Variants in CADPS observed in about 807,000 individuals in gnomAD.
CADPS encodes calcium-dependent secretion activator 1.
A neutral mutation model predicts 167.3 loss-of-function variants in CADPS; 57 were observed. The ratio of observed to expected loss-of-function variants is 0.34; its 90% CI spans 0.28 to 0.42. The LOEUF is 0.42. CADPS is among the 20% of genes least tolerant of loss of function. The pLI is 1.00. For synonymous variants in CADPS, 676 were observed against 635.3 expected (o/e 1.06, Z -0.96); for missense variants, 1,414 against 1,738.1 (o/e 0.81, Z 3.32).
intron 3 of CADPS, among the ~76,000 whole-genome samples, chr3:62,746,134 T>TTAAAC (rs2081394422): frequency 6.6e-6 from 1 of 152,272 alleles, no homozygotes; most frequent in South Asian, 2.1e-4. Flanking sequence ...CCACAGTGAG[T>TTAAAC]TATGCCCTAC....
At chr3:62,549,681 A>G (rs1205973165) in intron 11 of CADPS, among the ~76,000 whole-genome samples, 1 of 152,112 alleles carries the variant, frequency 6.6e-6, no homozygotes, top group Non-Finnish European at 1.5e-5. Context: ...CCTAAAATAC[A>G]CTTTCCTTCA....
chr3:62,549,927 G>A lies in CADPS; in HGVS notation c.1942C>T (p.Leu648=), dbSNP rs144579913. The A allele has an allele frequency of 4.8e-5, 78 of 1,613,898 alleles. No homozygotes were observed. The highest frequency in any genetic ancestry group is 6.4e-5 in the Non-Finnish European group (75 of 1,179,906). ...CAAAATTGAGAGATAGGGGCATCCA[G>A]CTGAGGTACATTTCCTCCCTTGGCG... ...LNAKGGNVPQ[L]DAPISQFYAD... is the part of the protein sequence containing the mutation. Residue 648 remains leucine (L), a synonymous_variant, in exon 11 of 30, where the codon CTG becomes TTG. Coordinates refer to ENST00000383710, the MANE Select transcript of CADPS (RefSeq NM_003716.4).
At position 62,623,147 on chromosome 3, in the gene CADPS, A is replaced by G. The variant is rs116527616; in HGVS notation, c.1325+22575T>C. On this transcript the variant is annotated intron_variant, in intron 6 of 29. Coordinates refer to ENST00000383710, the MANE Select transcript of CADPS (RefSeq NM_003716.4). ...GGTAAGTGTATCTCAAGAAAATTCCATTTTCTTTCTCTGGGAGTAAGTCCC... is the reference window on the plus strand; with the variant it reads ...GGTAAGTGTATCTCAAGAAAATTCCGTTTTCTTTCTCTGGGAGTAAGTCCC... Among the ~76,000 whole-genome samples the G allele has an allele frequency of 3.8e-3, 582 of 152,204 alleles. 5 individuals are homozygous for G. Among genetic ancestry groups the G allele is most frequent in the Admixed American group, 6.3e-3 (96 of 15,276 alleles).
intron 3 of CADPS, among the ~76,000 whole-genome samples, chr3:62,735,403 G>A (rs988365287): frequency 6.6e-5 from 10 of 152,094 alleles, no homozygotes; most frequent in African/African-American, 2.4e-4. Context: ...ATTGAGGGAA[G>A]GAGACTTCAA....
rs146521454 is a variant in CADPS, at chr3:62,597,419, G to C, written c.1326-4671C>G. Among the ~76,000 whole-genome samples the C allele has an allele frequency of 2.6e-3, 396 of 152,278 alleles. 2 individuals carry two copies. The highest frequency in any genetic ancestry group is 8.8e-3 in the African/African-American group (365 of 41,566). ...TCATTATACTTGGTCATGGGGAAGA[G>C]AAAGATTTCTGCTGGAAACCAAAAG... is the stretch of plus-strand genomic sequence containing the variant. On this transcript the variant is annotated intron_variant, in intron 6 of 29. Transcript: ENST00000383710.
intron 26 of CADPS, among the ~76,000 whole-genome samples, chr3:62,447,821 C>T (rs6766993): frequency 0.6 from 91,364 of 151,962 alleles, 28,457 homozygotes; most frequent in Middle Eastern, 0.73. Flanking sequence ...ATTCTAAACC[C>T]CAAATCTTTC....
At chr3:62,827,700 C>A (rs2074316602) in intron 1 of CADPS, among the ~76,000 whole-genome samples, 2 of 152,066 alleles carry the variant, frequency 1.3e-5, no homozygotes, top group Admixed American at 6.6e-5. Flanking sequence ...TTGGGAGAAC[C>A]AGAAGCCCTT....
At chr3:62,515,208 C>T (rs947023220) in intron 16 of CADPS, among the ~76,000 whole-genome samples, 5 of 152,026 alleles carry the variant, frequency 3.3e-5, no homozygotes, top group South Asian at 2.1e-4. Context: ...TCATGTTTCA[C>T]GTGTGAGAGA....
intron 1 of CADPS, among the ~76,000 whole-genome samples, chr3:62,774,410 C>G (rs7427504): frequency 0.023 from 3,444 of 152,054 alleles, 64 homozygotes; most frequent in South Asian, 0.061. Context: ...CAAATAAGGA[C>G]TTCTAGAGCC....
At chr3:62,676,670 G>A (rs1445664472) in intron 3 of CADPS, among the ~76,000 whole-genome samples, 1 of 152,094 alleles carries the variant, frequency 6.6e-6, no homozygotes, top group African/African-American at 2.4e-5. Context: ...GCGTTTTGGT[G>A]ACATTTCAGC....
At chr3:62,615,795 CATT>C (rs1392528534) in intron 6 of CADPS, among the ~76,000 whole-genome samples, 1 of 152,126 alleles carries the variant, frequency 6.6e-6, no homozygotes, top group African/African-American at 2.4e-5. Flanking sequence ...TAGAGTAAAA[CATT>C]ATGATAAGTA....
At chr3:62,585,150 T>C (rs1161734785) in intron 8 of CADPS, 35 bp downstream of exon 8, 1 of 1,604,424 alleles carries the variant, frequency 6.2e-7, no homozygotes, top group African/African-American at 1.3e-5. Context: ...AACAGACGTG[T>C]GTCCAAAACT....
intron 3 of CADPS, among the ~76,000 whole-genome samples, chr3:62,695,654 C>A (rs1398386903): frequency 1.3e-5 from 2 of 151,792 alleles, no homozygotes; most frequent in African/African-American, 2.4e-5. Flanking sequence ...GCCACCATAA[C>A]TGTTTTGGTT....
In CADPS at chr3:62,446,552, C is replaced by T. The variant is rs981191853; in HGVS notation, c.3637-755G>A. On this transcript the variant is annotated intron_variant, in intron 26 of 29. Coordinates refer to ENST00000383710, the MANE Select transcript of CADPS (RefSeq NM_003716.4). This position sits in a 1 kb window ranked among gnomAD's most constrained non-coding sequence, Gnocchi z 4.9. ...CTTCATCTCTCTGAGCCTCTGTTAC[C>T]TCATCTGCAAAATGGAGTTATTATT... is the stretch of plus-strand genomic sequence containing the variant. Among the ~76,000 whole-genome samples, 1 of 152,164 alleles carries T rather than the reference C, an allele frequency of 6.6e-6. No individual in the cohort carries two copies. Among genetic ancestry groups the T allele is most frequent in the Admixed American group, 6.5e-5 (1 of 15,270 alleles).
chr3:62,638,077 TTATATATA>T (rs928423543), intron 6 of CADPS, among the ~76,000 whole-genome samples: 4 of 36,766 alleles, frequency 1.1e-4, no homozygotes, highest in African/African-American at 1.6e-4. Flanking sequence ...GTTTTAAGCA[TTATATATA>T]TATATATATG....
chr3:62,768,106 G>A (rs993545826), intron 1 of CADPS, among the ~76,000 whole-genome samples: 6 of 152,192 alleles, frequency 3.9e-5, no homozygotes, highest in African/African-American at 1.4e-4. Flanking sequence ...ATGGAGCAGA[G>A]CACATATTGA....
chr3:62,837,585 G>C (rs754866778), intron 1 of CADPS, among the ~76,000 whole-genome samples: 2 of 152,124 alleles, frequency 1.3e-5, no homozygotes, highest in African/African-American at 4.8e-5. Flanking sequence ...CAGCTGTTTC[G>C]TTTTGATACA....
intron 3 of CADPS, among the ~76,000 whole-genome samples, chr3:62,746,603 G>A (rs1484548065): frequency 6.6e-6 from 1 of 152,164 alleles, no homozygotes; most frequent in East Asian, 1.9e-4. Context: ...TTCCCAAAGT[G>A]TTGGGATTTC....
At chr3:62,862,900 G>A (rs1051952996) in intron 1 of CADPS, among the ~76,000 whole-genome samples, 2 of 152,170 alleles carry the variant, frequency 1.3e-5, no homozygotes, top group Admixed American at 6.5e-5. Context: ...GGACTTCTCT[G>A]GACCTAACTT....
Sources: gnomAD v4.1 joint callset for allele counts (sites outside exome capture counted in the v4.1 genomes callset) on GRCh38, gnomAD v4.1.1 for gene constraint, Gnocchi (gnomAD v3.1) non-coding constraint, MANE v1.5 for transcripts, NCBI Gene and HGNC (gene_info 2026-07-23, HGNC 2026-07-21) for gene names.